The following SMPD3 variants were observed in gnomAD, a reference collection of about 807,000 sequenced individuals.
SMPD3 encodes the protein nSMase-2.
A neutral mutation model predicts 55.7 loss-of-function variants in SMPD3; 21 were observed. The ratio of observed to expected loss-of-function variants is 0.38; its 90% confidence interval spans 0.27 to 0.54. SMPD3 has a LOEUF of 0.54. Ranked by LOEUF, SMPD3 falls within the 20% of genes least tolerant of loss-of-function variation. SMPD3 has a pLI of 0.80. For missense variants in SMPD3, 842 were observed against 899.6 expected, an observed-to-expected ratio of 0.94 and a Z score of 0.82; for synonymous variants, 457 against 404.3, an observed-to-expected ratio of 1.13 and a Z score of -1.56.
At chr16:68,429,232 G>A (rs2090461079) in intron 1 of SMPD3, among the ~76,000 whole-genome samples, 1 of 152,228 alleles carries the variant, frequency 6.6e-6, no homozygotes, top group African/African-American at 2.4e-5. Context: ...GATACAGTGG[G>A]CTCCATTCCA....
At chr16:68,409,461 G>A (rs979838708) in intron 1 of SMPD3, among the ~76,000 whole-genome samples, 13 of 152,164 alleles carry the variant, frequency 8.5e-5, no homozygotes, top group African/African-American at 3.1e-4. Flanking sequence ...TCCTCTCTGG[G>A]ATTCCGTTTT....
chr16:68,430,290 G>C (rs2090469203), intron 1 of SMPD3, among the ~76,000 whole-genome samples: 1 of 151,432 alleles, frequency 6.6e-6, no homozygotes, highest in Admixed American at 6.6e-5. Context: ...CCTTAGAAAA[G>C]CCCACCACGG....
At chr16:68,399,090 C>T (rs1420443046) in intron 1 of SMPD3, among the ~76,000 whole-genome samples, 1 of 152,210 alleles carries the variant, frequency 6.6e-6, no homozygotes, top group Non-Finnish European at 1.5e-5. Flanking sequence ...GCAAATCCTC[C>T]CGGCCTCCTC....
chr16:68,418,648 C>T (rs764540026), intron 1 of SMPD3, among the ~76,000 whole-genome samples: 1 of 152,248 alleles, frequency 6.6e-6, no homozygotes, highest in Admixed American at 6.5e-5. Flanking sequence ...ATAGTCTACA[C>T]TAGCACCCCA....
intron 3 of SMPD3, chr16:68,367,443 GCTGTGCGCT>G (rs2089517661): frequency 1.1e-4 from 1 of 9,316 alleles, no homozygotes; most frequent in African/African-American, 4.6e-3. Flanking sequence ...GTCGTGCGCT[GCTGTGCGCT>G]GCTCTGCGCT....
chr16:68,361,487 A>G, intron 8 of SMPD3, 116 bp downstream of exon 8: 3 of 1,447,316 alleles, frequency 2.1e-6, no homozygotes, highest in East Asian at 2.3e-5. Flanking sequence ...AGTGATGGGT[A>G]TCATTGTAAG....
At chr16:68,364,131 C>T (rs953033296) in intron 5 of SMPD3, among the ~76,000 whole-genome samples, 8 of 152,198 alleles carry the variant, frequency 5.3e-5, no homozygotes, top group Admixed American at 1.3e-4. Flanking sequence ...CCACGGTCCT[C>T]GGACAGAGGA....
At chr16:68,388,259 T>A (rs1160002041) in intron 1 of SMPD3, among the ~76,000 whole-genome samples, 1 of 152,104 alleles carries the variant, frequency 6.6e-6, no homozygotes, top group Non-Finnish European at 1.5e-5. Flanking sequence ...CCTGGCAGGA[T>A]CCCTCCCCAC....
In SMPD3 at chr16:68,404,659, C is replaced by T. The variant is rs538265403; in HGVS notation, c.-268-18000G>A. ...AGGAAATAGGGGTCACCTGTGCCCC[C>T]AGCCCACCTGCCATTGAGGTGCTAG... On this transcript the variant is annotated intron_variant, in intron 1 of 8. Coordinates refer to ENST00000219334, the MANE Select transcript of SMPD3 (RefSeq NM_018667.4). This position sits in a 1 kb window ranked among gnomAD's most constrained non-coding sequence, Gnocchi z 4.0. Among the ~76,000 whole-genome samples the T allele has an allele frequency of 3.9e-5, 6 of 152,346 alleles. No homozygotes were observed. In the East Asian group the frequency reaches 7.7e-4, roughly 20 times the overall value.
intron 1 of SMPD3, among the ~76,000 whole-genome samples, chr16:68,414,001 C>T (rs1432158468): frequency 6.6e-6 from 1 of 152,138 alleles, no homozygotes; most frequent in Non-Finnish European, 1.5e-5. Flanking sequence ...AAGGTTGGCC[C>T]GCTGGCTATA....
At chr16:68,364,679 T>C in intron 5 of SMPD3, 72 bp downstream of exon 5, 1 of 1,501,304 alleles carries the variant, frequency 6.7e-7, no homozygotes, top group Non-Finnish European at 9.0e-7. Context: ...CCTAACGAAG[T>C]CTGTCTAGCT....
intron 1 of SMPD3, among the ~76,000 whole-genome samples, chr16:68,417,006 C>A (rs1369722385): frequency 1.3e-5 from 2 of 152,164 alleles, no homozygotes; most frequent in Non-Finnish European, 2.9e-5. Context: ...TCCACTTAGA[C>A]CCTGTCTTCA....
chr16:68,406,464 TG>T (rs948824241), intron 1 of SMPD3, among the ~76,000 whole-genome samples: 2 of 152,040 alleles, frequency 1.3e-5, no homozygotes, highest in African/African-American at 4.8e-5. Context: ...CTGGGGCTAG[TG>T]GTGGATGAGC....
intron 2 of SMPD3, among the ~76,000 whole-genome samples, chr16:68,372,690 A>T (rs2089703314): frequency 6.6e-6 from 1 of 152,172 alleles, no homozygotes; most frequent in Admixed American, 6.5e-5. Flanking sequence ...AGACTTACAG[A>T]TTTGTGGGTG....
rs556515037 is a variant in SMPD3, at chr16:68,371,183, C to T, written c.999G>A (p.Ala333=). 12 of 1,612,524 alleles carry T rather than the reference C, an allele frequency of 7.4e-6. No individual in the cohort carries two copies. The highest frequency in any genetic ancestry group is 6.7e-5 in the East Asian group (3 of 44,840). Residue 333 remains alanine, a synonymous_variant, in exon 3 of 9, where the codon GCG becomes GCA. Transcript: ENST00000219334. ...CGGGGTGCCGCCTCCTGCGTGCAGC[C>T]GCCTTCTTCACCACCGAGGCCTTGT... ...LLYKASVVKK[A]AARRRRHPDE... is the part of the protein sequence containing the mutation.
At position 68,372,193 on chromosome 16, in the gene SMPD3, G is replaced by A. The variant is rs1237806596; in HGVS notation, c.-12C>T. On this transcript the variant is annotated 5_prime_UTR_variant, in exon 3 of 9. Coordinates refer to ENST00000219334, the MANE Select transcript of SMPD3 (RefSeq NM_018667.4). Reference sequence around the variant, plus strand: ...GTGTACAAAACCATCGCAGCTCACTGGGCGCCGCAGCCGGCCCTACTACAT... The same window carrying A: ...GTGTACAAAACCATCGCAGCTCACTAGGCGCCGCAGCCGGCCCTACTACAT... 1 of 1,609,146 alleles carries A rather than the reference G, an allele frequency of 6.2e-7. No homozygotes were observed. Among genetic ancestry groups the A allele is most frequent in the East Asian group, 2.2e-5 (1 of 44,626 alleles).
At chr16:68,445,460 A>G (rs1477565388) in intron 1 of SMPD3, among the ~76,000 whole-genome samples, 1 of 152,232 alleles carries the variant, frequency 6.6e-6, no homozygotes, top group Non-Finnish European at 1.5e-5. Flanking sequence ...CAGCAATTCC[A>G]TGGCTTGAAC....
chr16:68,370,961 G>A lies in SMPD3; in HGVS notation c.1221C>T (p.Leu407=). ...TGATGGGGTAGCGGCTGGCAAAGAG[G>A]AGGCCGCTGTTGAGACACTTGAAGC... ...CCSFKCLNSG[L]LFASRYPIMD... The change falls in exon 3 of 9, where the codon CTC becomes CTT. Residue 407 remains leucine, a synonymous_variant. Transcript: ENST00000219334. 1 of 1,614,064 alleles carries A rather than the reference G, an allele frequency of 6.2e-7. No individual in the cohort carries two copies. Among genetic ancestry groups the A allele is most frequent in the Non-Finnish European group, 8.5e-7 (1 of 1,180,022 alleles).
Position 68,358,637 on chromosome 16 carries a change from TA to T in SMPD3, c.*2568del, listed in dbSNP as rs2088994334. Reference sequence around the variant, plus strand: ...AATAGTTAAAAAGCATCAAGATTAATATACTTAAAACTTAAGGTGGTTTTGG... The same window carrying T: ...AATAGTTAAAAAGCATCAAGATTAATTACTTAAAACTTAAGGTGGTTTTGG... On this transcript the variant is annotated 3_prime_UTR_variant, in exon 9 of 9. Transcript: ENST00000219334. 1 of 152,690 alleles carries T rather than the reference TA, an allele frequency of 6.5e-6. No homozygotes were observed. The highest frequency in any genetic ancestry group is 2.1e-4 in the South Asian group (1 of 4,836). 9.5% of individuals were successfully genotyped at this position (152,690 alleles called of 1,614,324 possible). A position where few individuals can be genotyped will look rare whatever the true frequency, so the allele number is the denominator to read the frequency against.
Sources: gnomAD v4.1 joint callset for allele counts (sites outside exome capture counted in the v4.1 genomes callset) on GRCh38, gnomAD v4.1.1 for gene constraint, Gnocchi (gnomAD v3.1) non-coding constraint, MANE v1.5 for transcripts, NCBI Gene and HGNC (gene_info 2026-07-23, HGNC 2026-07-21) for gene names.